The following KCTD13 variants were observed in gnomAD, a reference collection of about 807,000 sequenced individuals.
KCTD13 encodes the protein potassium channel tetramerization domain containing 13, also known as BTB/POZ domain-containing adapter for CUL3-mediated RhoA degradation protein 1.
Under a neutral mutation model 32.3 loss-of-function variants are expected in KCTD13, and 15 were observed. The ratio of observed to expected loss-of-function variants is 0.46; its 90% CI spans 0.31 to 0.71. The LOEUF is 0.71. Ranked by LOEUF, KCTD13 falls within the 30% of genes least tolerant of loss-of-function variation. The pLI, the probability that KCTD13 is intolerant of heterozygous loss-of-function variation, is 0.05. For missense variants in KCTD13, 337 were observed against 452.6 expected (o/e 0.74, Z 2.32); for synonymous variants, 189 against 200.1 (o/e 0.94, Z 0.47).
In KCTD13 at chr16:29,906,788, G is replaced by T; in HGVS notation, c.*84C>A. The T allele has an allele frequency of 8.0e-7, 1 of 1,244,274 alleles. No individual in the cohort carries two copies. The highest frequency in any genetic ancestry group is 1.1e-6 in the Non-Finnish European group (1 of 873,984). The allele number at this position is 1,244,274 out of a possible 1,614,324, so 77.1% of individuals were successfully genotyped here. On this transcript the variant is annotated 3_prime_UTR_variant, in exon 6 of 6. Coordinates refer to ENST00000568000, the MANE Select transcript of KCTD13 (RefSeq NM_178863.5). Reference sequence around the variant, plus strand: ...GAGGACCCACGACTTGGCCAGCAGAGCCGGGGCAAAAGTCTGGGAAGGGGA... The same window carrying T: ...GAGGACCCACGACTTGGCCAGCAGATCCGGGGCAAAAGTCTGGGAAGGGGA...
At chr16:29,922,278 TC>T (rs1372741333) in intron 2 of KCTD13, 1 of 152,104 alleles carries the variant, frequency 6.6e-6, no homozygotes, top group Non-Finnish European at 1.5e-5. Context: ...CAGTAAGTAT[TC>T]CCTGAGACAA....
chr16:29,913,836 TTTTTTA>T (rs1283955093), intron 2 of KCTD13: 2 of 152,272 alleles, frequency 1.3e-5, no homozygotes, highest in Non-Finnish European at 2.9e-5. Context: ...CCTCATTGTC[TTTTTTA>T]TTTTTGAGAT....
At chr16:29,924,179 A>AAAAAG (rs757793290) in intron 1 of KCTD13, among the ~76,000 whole-genome samples, 32 of 149,808 alleles carry the variant, frequency 2.1e-4, no homozygotes, top group East Asian at 1.2e-3. Flanking sequence ...CATCTCAAAA[A>AAAAAG]AAAAGAAAAG....
At position 29,922,862 on chromosome 16, in the gene KCTD13, G is replaced by C. The variant is rs2068936039; in HGVS notation, c.414+328C>G. 3 of 412,364 alleles carry C rather than the reference G, an allele frequency of 7.3e-6. No homozygotes were observed. The Middle Eastern group carries it at 1.8e-3, about 250-fold the overall frequency. The allele number at this position is 412,364 out of a possible 1,614,324, so 25.5% of individuals were successfully genotyped here. ...CCTAGTGACATGAGGGAGCTATTTAGGATTTCTAAGCAAGAGAGAGAATAG... is the reference window on the plus strand; with the variant it reads ...CCTAGTGACATGAGGGAGCTATTTACGATTTCTAAGCAAGAGAGAGAATAG... On this transcript the variant is annotated intron_variant, in intron 2 of 5. Coordinates refer to ENST00000568000, the MANE Select transcript of KCTD13 (RefSeq NM_178863.5).
intron 5 of KCTD13, among the ~76,000 whole-genome samples, chr16:29,910,347 G>A (rs1269017572): frequency 6.6e-6 from 1 of 151,962 alleles, no homozygotes; most frequent in Non-Finnish European, 1.5e-5. Flanking sequence ...GCGGTGAGCG[G>A]AGATTGTGCC....
At chr16:29,909,159 C>T (rs1249577783) in intron 5 of KCTD13, among the ~76,000 whole-genome samples, 1 of 152,168 alleles carries the variant, frequency 6.6e-6, no homozygotes, top group African/African-American at 2.4e-5. Flanking sequence ...CCTCAAGGAA[C>T]TAACACCTCG....
At chr16:29,912,293 G>A in intron 2 of KCTD13, 1 of 562,476 alleles carries the variant, frequency 1.8e-6, no homozygotes, top group Non-Finnish European at 3.1e-6. Flanking sequence ...CTGTGCCCCT[G>A]CCCGGGATGC....
In KCTD13 at chr16:29,926,144, C is replaced by T. The variant is rs879581119; in HGVS notation, c.-111G>A. On this transcript the variant is annotated 5_prime_UTR_variant, in exon 1 of 6. In the 5' UTR this introduces an upstream ATG that the reference lacks. Coordinates refer to ENST00000568000, the MANE Select transcript of KCTD13 (RefSeq NM_178863.5). ...CTTGGGCCAGACCGCTCGGCGCACA[C>T]GCCCACTCACCGCAGCTACTCTGCA... The T allele has an allele frequency of 5.7e-6, 7 of 1,218,172 alleles. No individual in the cohort carries two copies. The highest frequency in any genetic ancestry group is 7.6e-6 in the Non-Finnish European group (7 of 924,160). 75.5% of individuals were successfully genotyped at this position (1,218,172 alleles called of 1,614,324 possible).
chr16:29,910,620 G>C (rs1241901533), intron 5 of KCTD13, among the ~76,000 whole-genome samples: 2 of 152,064 alleles, frequency 1.3e-5, no homozygotes, highest in Non-Finnish European at 2.9e-5. Context: ...TGGCCTCCCA[G>C]AGTCCTGGGG....
chr16:29,909,688 CT>C (rs760949977), intron 5 of KCTD13, among the ~76,000 whole-genome samples: 454 of 142,522 alleles, frequency 3.2e-3, no homozygotes, highest in Non-Finnish European at 3.4e-3. Context: ...CTGAGTTTCC[CT>C]TTTTTTTTTT....
intron 2 of KCTD13, chr16:29,915,132 G>A (rs1479586570): frequency 6.6e-6 from 1 of 152,200 alleles, no homozygotes; most frequent in Admixed American, 6.6e-5. Context: ...CTCTCCCTGA[G>A]TCGTCCCACC....
Position 29,925,993 on chromosome 16 carries a change from G to C in KCTD13, c.41C>G (p.Pro14Arg), listed in dbSNP as rs772211795. The C allele has an allele frequency of 1.2e-4, 197 of 1,592,884 alleles. No homozygotes were observed. The highest frequency in any genetic ancestry group is 1.8e-4 in the Middle Eastern group (1 of 5,506). Residue 14 changes from proline to arginine, a missense_variant, in exon 1 of 6, where the codon CCG becomes CGG. Coordinates refer to ENST00000568000, the MANE Select transcript of KCTD13 (RefSeq NM_178863.5). ...EASGPAAAAAPSLEAPKPSGL... is the reference protein window; with the variant it reads ...EASGPAAAAARSLEAPKPSGL... ...CGAGGGCTTGGGGGCTTCCAGGGAC[G>C]GGGCCGCGGCGGCAGCCGGGCCCGA...
chr16:29,909,338 G>A lies in KCTD13; in HGVS notation c.753+1640C>T, dbSNP rs575840329. ...CTTAAGATTAAGTACAAGTTCATTA[G>A]GCAGATAGAAGGAAAGAATTCCAAG... On this transcript the variant is annotated intron_variant, in intron 5 of 5. Coordinates refer to ENST00000568000, the MANE Select transcript of KCTD13 (RefSeq NM_178863.5). Among the ~76,000 whole-genome samples, 149 of 152,306 alleles carry A rather than the reference G, an allele frequency of 9.8e-4. 1 individual carries two copies. The highest frequency in any genetic ancestry group is 3.5e-3 in the African/African-American group (144 of 41,564).
intron 2 of KCTD13, among the ~76,000 whole-genome samples, chr16:29,915,550 G>A (rs1253268884): frequency 6.6e-6 from 1 of 151,658 alleles, no homozygotes; most frequent in African/African-American, 2.4e-5. Context: ...TACTCAGGAG[G>A]CTGAGACAGG....
Position 29,923,209 on chromosome 16 carries a change from T to C in KCTD13, c.395A>G (p.Asp132Gly), listed in dbSNP as rs2068941620. 6.2e-7 allele frequency: 1 copy of C among 1,614,054 alleles called. No individual in the cohort carries two copies. Among genetic ancestry groups the C allele is most frequent in the Non-Finnish European group, 8.5e-7 (1 of 1,180,030 alleles). The change falls in exon 2 of 6, where the codon GAC (aspartate) becomes GGC (glycine). Residue 132 changes from aspartate (D) to glycine (G), a missense_variant. Physicochemically the swap from Asp to Gly is moderately conservative, Grantham distance 94. Coordinates refer to ENST00000568000, the MANE Select transcript of KCTD13 (RefSeq NM_178863.5). ...RYYLVQGLIE[D>G]CQLALQQKRE... ...CCTCACCTGCAGCGCCAGCTGGCAG[T>C]CCTCAATCAGGCCCTGCACCAGGTA...
chr16:29,925,756 T>TC, intron 1 of KCTD13, 34 bp downstream of exon 1: 1 of 1,359,648 alleles, frequency 7.4e-7, no homozygotes, highest in Non-Finnish European at 9.7e-7. Context: ...GTTGGGGGTC[T>TC]GGGGTGGGGG....
rs2068986543 is a variant in KCTD13, at chr16:29,925,842, G to T, written c.192C>A (p.Thr64=). ...GGCCGCTGAACATGGCTTTGAGCATGGTGTCCTGTCCCGTGAGGGTGCGCA... is the reference window on the plus strand; with the variant it reads ...GGCCGCTGAACATGGCTTTGAGCATTGTGTCCTGTCCCGTGAGGGTGCGCA... The part of the protein sequence containing the change: ...TTLRTLTGQD[T]MLKAMFSGRV... Residue 64 remains threonine (T), a synonymous_variant, in exon 1 of 6, where the codon ACC becomes ACA. Transcript: ENST00000568000. The T allele has an allele frequency of 6.2e-7, 1 of 1,613,968 alleles. No individual in the cohort carries two copies. Among genetic ancestry groups the T allele is most frequent in the Admixed American group, 1.7e-5 (1 of 59,998 alleles).
At chr16:29,914,302 C>T (rs1297583127) in intron 2 of KCTD13, 1 of 152,150 alleles carries the variant, frequency 6.6e-6, no homozygotes, top group African/African-American at 2.4e-5. Flanking sequence ...AATATACTCA[C>T]CACCTTCCAG....
chr16:29,911,439 C>T (rs2068707517), intron 4 of KCTD13: 1 of 559,946 alleles, frequency 1.8e-6, no homozygotes, highest in Middle Eastern at 4.7e-4. Flanking sequence ...CCTGGTGTCC[C>T]CATTTTTTAA....
Sources: gnomAD v4.1 joint callset for allele counts (sites outside exome capture counted in the v4.1 genomes callset) on GRCh38, gnomAD v4.1.1 for gene constraint, MANE v1.5 for transcripts, NCBI Gene and HGNC (gene_info 2026-07-23, HGNC 2026-07-21) for gene names.